Variants in DPYD observed in about 807,000 individuals in gnomAD.
The protein encoded by DPYD is dihydropyrimidine dehydrogenase.
A neutral mutation model predicts 116.2 loss-of-function variants in DPYD; 109 were observed. The observed-to-expected ratio is 0.94, with a 90% CI of 0.80 to 1.10. The LOEUF is 1.10. Ranked by LOEUF, DPYD falls within the 50% of genes least tolerant of loss-of-function variation. DPYD has a pLI of 0.00. For missense variants in DPYD, 1,302 were observed against 1,254.5 expected (o/e 1.04, Z -0.57); for synonymous variants, 440 against 432.0 (o/e 1.02, Z -0.23).
intron 6 of DPYD, among the ~76,000 whole-genome samples, 177 bp from the exon 7 acceptor site, chr1:97,691,975 C>T (rs1204981625): frequency 6.6e-6 from 1 of 152,002 alleles, no homozygotes; most frequent in African/African-American, 2.4e-5. Context: ...TTGATATAAA[C>T]ATGTTACGTG....
chr1:97,108,439 A>G (rs1651340282), intron 20 of DPYD, among the ~76,000 whole-genome samples: 1 of 152,162 alleles, frequency 6.6e-6, no homozygotes, highest in Admixed American at 6.6e-5. Context: ...ATTGTCTGTG[A>G]ATGAAACATC....
At chr1:97,854,073 A>T (rs932478359) in intron 2 of DPYD, among the ~76,000 whole-genome samples, 4 of 152,222 alleles carry the variant, frequency 2.6e-5, no homozygotes, top group Non-Finnish European at 5.9e-5. Context: ...GGAAATACCA[A>T]TTCACCATTT....
At chr1:97,369,324 G>C (rs774714836) in intron 16 of DPYD, among the ~76,000 whole-genome samples, 7 of 152,120 alleles carry the variant, frequency 4.6e-5, no homozygotes, top group African/African-American at 7.2e-5. Context: ...AGTGGATTCA[G>C]GTTTGCTTGT....
chr1:97,103,042 G>T (rs1553213509), intron 20 of DPYD, among the ~76,000 whole-genome samples: 1 of 152,028 alleles, frequency 6.6e-6, no homozygotes, highest in Non-Finnish European at 1.5e-5. Flanking sequence ...TTGAGAGCAT[G>T]GGTTCTCTGA....
intron 3 of DPYD, among the ~76,000 whole-genome samples, chr1:97,772,393 A>G (rs1036710336): frequency 6.6e-6 from 1 of 152,234 alleles, no homozygotes; most frequent in African/African-American, 2.4e-5. Context: ...AGTTAACAAC[A>G]GCAGTATTCC....
At chr1:97,911,225 C>T (rs890366081) in intron 1 of DPYD, among the ~76,000 whole-genome samples, 5 of 151,964 alleles carry the variant, frequency 3.3e-5, no homozygotes, top group African/African-American at 1.2e-4. Context: ...TGATGATTCC[C>T]TTCTAGGATC....
chr1:97,557,104 C>A (rs894223033), intron 11 of DPYD, among the ~76,000 whole-genome samples: 28 of 151,732 alleles, frequency 1.8e-4, no homozygotes, highest in Non-Finnish European at 3.4e-4. Flanking sequence ...CTCTGATGGC[C>A]AGTGATGATG....
Position 97,399,295 on chromosome 1 carries a change from C to T in DPYD, c.1906-16834G>A, listed in dbSNP as rs1346488126. On this transcript the variant is annotated intron_variant, in intron 14 of 22. Coordinates refer to ENST00000370192, the MANE Select transcript of DPYD (RefSeq NM_000110.4). ...TATTTCTGAGGGCTCTGTTCTGTTC[C>T]ATTGGTCTATATCTCTTTTGTGGTA... 2.6e-5 allele frequency among the ~76,000 whole-genome samples: 4 copies of T among 152,182 alleles called. No individual in the cohort carries two copies. The East Asian group carries it at 7.7e-4, about 29-fold the overall frequency.
chr1:97,235,085 C>A, intron 18 of DPYD, 91 bp from the exon 19 acceptor site: 2 of 1,466,438 alleles, frequency 1.4e-6, no homozygotes, highest in Admixed American at 1.7e-5. Context: ...GTGATGACAG[C>A]GTCACTGGAC....
At chr1:97,621,240 G>A (rs1656614997) in intron 8 of DPYD, among the ~76,000 whole-genome samples, 1 of 152,056 alleles carries the variant, frequency 6.6e-6, no homozygotes, top group Non-Finnish European at 1.5e-5. Flanking sequence ...TGGAATGGTG[G>A]TATGAATTAA....
At chr1:97,328,564 G>C (rs1263419878) in intron 16 of DPYD, among the ~76,000 whole-genome samples, 2 of 151,926 alleles carry the variant, frequency 1.3e-5, no homozygotes, top group Non-Finnish European at 2.9e-5. Context: ...TCAGATTTTT[G>C]CTTAATAGAA....
intron 8 of DPYD, among the ~76,000 whole-genome samples, chr1:97,673,516 A>G (rs1397902387): frequency 6.6e-6 from 1 of 152,166 alleles, no homozygotes; most frequent in Non-Finnish European, 1.5e-5. Context: ...AAATACGTAT[A>G]AAGTTCCTAC....
intron 3 of DPYD, among the ~76,000 whole-genome samples, chr1:97,751,452 G>GTT (rs1557933124): frequency 3.0e-5 from 1 of 33,136 alleles, no homozygotes; most frequent in Non-Finnish European, 5.6e-5. Context: ...GTGTGTGTGT[G>GTT]TGTGTGTGTA....
intron 14 of DPYD, among the ~76,000 whole-genome samples, chr1:97,386,907 C>T (rs776008454): frequency 4.0e-5 from 6 of 151,808 alleles, no homozygotes; most frequent in Non-Finnish European, 7.4e-5. Flanking sequence ...AATTAGGAAG[C>T]CCTTCAGTAT....
At chr1:97,706,809 G>T (rs1661984461) in intron 5 of DPYD, among the ~76,000 whole-genome samples, 2 of 152,028 alleles carry the variant, frequency 1.3e-5, no homozygotes, top group African/African-American at 4.8e-5. Flanking sequence ...GAATAAAGCT[G>T]CTATAAATAT....
At chr1:97,502,241 C>G (rs560266632) in intron 13 of DPYD, among the ~76,000 whole-genome samples, 1 of 152,202 alleles carries the variant, frequency 6.6e-6, no homozygotes, top group South Asian at 2.1e-4. Context: ...ACCTGATAAA[C>G]TTCCATAAGT....
chr1:97,829,835 G>A (rs960572184), intron 2 of DPYD, among the ~76,000 whole-genome samples: 1 of 151,592 alleles, frequency 6.6e-6, no homozygotes, highest in African/African-American at 2.4e-5. Context: ...TGCCATGTTG[G>A]CTTGCTGCAC....
intron 1 of DPYD, among the ~76,000 whole-genome samples, chr1:97,892,472 C>T (rs1020908722): frequency 3.3e-5 from 5 of 151,712 alleles, no homozygotes; most frequent in Admixed American, 2.0e-4. Context: ...AGAACTGATA[C>T]GGCCCATCTC....
chr1:97,205,382 CT>C (rs1193917674), intron 19 of DPYD, among the ~76,000 whole-genome samples: 2 of 151,834 alleles, frequency 1.3e-5, no homozygotes, highest in Non-Finnish European at 2.9e-5. Context: ...ATAGTTTTGC[CT>C]TTTCCAATAT....
Sources: allele counts gnomAD v4.1 joint callset (sites outside exome capture counted in the v4.1 genomes callset), GRCh38; gene constraint gnomAD v4.1.1; transcripts MANE v1.5; gene names NCBI Gene and HGNC (gene_info 2026-07-23, HGNC 2026-07-21).